Variants in GPSM3 observed in about 807,000 individuals in gnomAD.
GPSM3 encodes G protein signaling modulator 3, also known as G protein-signaling modulator 3.
In GPSM3, 16 loss-of-function variants were observed where a neutral mutation model predicts 20.4. That is an observed-to-expected ratio of 0.78 (90% CI 0.53 to 1.19). The LOEUF is 1.19. Ranked by LOEUF, GPSM3 falls within the 50% of genes most tolerant of loss-of-function variation. The pLI, the probability that GPSM3 is intolerant of heterozygous loss-of-function variation, is 0.00. For synonymous variants in GPSM3, 70 were observed against 79.6 expected (o/e 0.88, Z 0.64); for missense variants, 177 against 204.6 (o/e 0.86, Z 0.82).
At chr6:32,192,669 GC>G (rs1218379880), upstream of GPSM3, 9 of 479,996 alleles carry the variant, frequency 1.9e-5, no homozygotes, top group Non-Finnish European at 3.0e-5. This position sits in a 1 kb window ranked among gnomAD's most constrained non-coding sequence, Gnocchi z 5.1. Context: ...TTCCTGGTCA[GC>G]CCCCCCACGG....
upstream of GPSM3, chr6:32,192,774 A>C (rs771236355): frequency 1.3e-5 from 5 of 393,186 alleles, no homozygotes; most frequent in Non-Finnish European, 1.8e-5. This position sits in a 1 kb window ranked among gnomAD's most constrained non-coding sequence, Gnocchi z 5.1. Flanking sequence ...AGACTGGGAA[A>C]AACTCCTCCA....
At chr6:32,192,984 TC>T (rs145545963), upstream of GPSM3, 4,355 of 156,596 alleles carry the variant, frequency 0.028, 81 homozygotes, top group Admixed American at 0.039. The surrounding 1 kb of genome is among the most constrained non-coding windows in gnomAD (Gnocchi z 5.1). Flanking sequence ...GTCCCTTCCC[TC>T]CCTAAGATAG....
chr6:32,192,016 A>G lies in GPSM3; in HGVS notation c.146-108T>C, dbSNP rs1787558586. ...GATTAGGGACTTTGGATCAGAGGAG[A>G]GGGGGTGCAATGGGGAATCCCAAGG... On this transcript the variant is annotated intron_variant, in intron 2 of 3. Transcript: ENST00000375040. The surrounding 1 kb of genome is among the most constrained non-coding windows in gnomAD (Gnocchi z 5.1). The G allele has an allele frequency of 5.5e-6, 7 of 1,264,154 alleles. No individual in the cohort carries two copies. The South Asian group carries it at 7.8e-5, about 14-fold the overall frequency. The allele number at this position is 1,264,154 out of a possible 1,614,324, so 78.3% of individuals were successfully genotyped here.
upstream of GPSM3, chr6:32,195,125 T>C (rs1787768573): frequency 2.5e-6 from 1 of 405,876 alleles, no homozygotes; most frequent in Non-Finnish European, 4.4e-6. The surrounding 1 kb of genome is among the most constrained non-coding windows in gnomAD (Gnocchi z 5.4). Flanking sequence ...AAAGAACATC[T>C]TACATCCCAT....
In GPSM3 at chr6:32,191,070, A is replaced by T; in HGVS notation, c.*296T>A. ...ACAACTGGTGGTGTCCCCACAAGTT[A>T]GGGAAAAGACTCCCAGCCACTCCTT... On this transcript the variant is annotated 3_prime_UTR_variant, in exon 4 of 4. Coordinates refer to ENST00000375040, the MANE Select transcript of GPSM3 (RefSeq NM_001276501.2). The surrounding 1 kb of genome is among the most constrained non-coding windows in gnomAD (Gnocchi z 5.9). The T allele has an allele frequency of 2.8e-6, 1 of 362,360 alleles. No homozygotes were observed. The highest frequency in any genetic ancestry group is 5.8e-5 in the South Asian group (1 of 17,368). 22.4% of individuals were successfully genotyped at this position (362,360 alleles called of 1,614,324 possible). A position where few individuals can be genotyped will look rare whatever the true frequency, so the allele number is the denominator to read the frequency against.
Position 32,191,616 on chromosome 6 carries a change from G to A in GPSM3, c.345+93C>T. 1 of 1,471,304 alleles carries A rather than the reference G, an allele frequency of 6.8e-7. No homozygotes were observed. Among genetic ancestry groups the A allele is most frequent in the South Asian group, 1.3e-5 (1 of 75,352 alleles). 91.1% of individuals were successfully genotyped at this position (1,471,304 alleles called of 1,614,324 possible). A position where few individuals can be genotyped will look rare whatever the true frequency, so the allele number is the denominator to read the frequency against. ...ATATAGGAAACCTGTGAAGGCGATG[G>A]GGTGCCTAGGGAGAAACAGGAGTAG... On this transcript the variant is annotated intron_variant, in intron 3 of 3. Coordinates refer to ENST00000375040, the MANE Select transcript of GPSM3 (RefSeq NM_001276501.2). This position sits in a 1 kb window ranked among gnomAD's most constrained non-coding sequence, Gnocchi z 5.9.
At chr6:32,193,653 C>A (rs204990), upstream of GPSM3, among the ~76,000 whole-genome samples, 31,884 of 151,872 alleles carry the variant, frequency 0.21, 3,600 homozygotes, top group East Asian at 0.3. The surrounding 1 kb of genome is among the most constrained non-coding windows in gnomAD (Gnocchi z 4.7). Context: ...AGATATGGAA[C>A]AATGAGAGGC....
At position 32,192,310 on chromosome 6, in the gene GPSM3, C is replaced by T; in HGVS notation, c.43-60G>A. 7.1e-7 allele frequency: 1 copy of T among 1,416,946 alleles called. No homozygotes were observed. The highest frequency in any genetic ancestry group is 9.6e-7 in the Non-Finnish European group (1 of 1,036,524). The allele number at this position is 1,416,946 out of a possible 1,614,324, so 87.8% of individuals were successfully genotyped here. A position where few individuals can be genotyped will look rare whatever the true frequency, so the allele number is the denominator to read the frequency against. On this transcript the variant is annotated intron_variant, in intron 1 of 3. Coordinates refer to ENST00000375040, the MANE Select transcript of GPSM3 (RefSeq NM_001276501.2). This position sits in a 1 kb window ranked among gnomAD's most constrained non-coding sequence, Gnocchi z 5.1. ...TGGTGGTTGAAGCGGGAGGAGTGGA[C>T]AGGGGGCTAGGCCAGTGGCCCGTTT...
In GPSM3 at chr6:32,191,793, G is replaced by T. The variant is rs765799338; in HGVS notation, c.261C>A (p.Pro87=). ...CAGGGGCTAGGCTTGAGGGGTTTTG[G>T]GGGGTGTAGAAGGTGGCCCTCTGCT... The part of the protein sequence containing the change: ...LEEQRATFYT[P]QNPSSLAPAP... The change falls in exon 3 of 4, where the codon CCC becomes CCA. Residue 87 remains proline, a synonymous_variant. Transcript: ENST00000375040. The surrounding 1 kb of genome is among the most constrained non-coding windows in gnomAD (Gnocchi z 5.9). 1 of 1,612,516 alleles carries T rather than the reference G, an allele frequency of 6.2e-7. No homozygotes were observed. The highest frequency in any genetic ancestry group is 1.7e-5 in the Admixed American group (1 of 60,008).
chr6:32,192,259 A>G lies in GPSM3; in HGVS notation c.43-9T>C. The G allele has an allele frequency of 6.6e-7, 1 of 1,518,092 alleles. No individual in the cohort carries two copies. Among genetic ancestry groups the G allele is most frequent in the Non-Finnish European group, 8.8e-7 (1 of 1,130,304 alleles). The allele number at this position is 1,518,092 out of a possible 1,614,324, so 94.0% of individuals were successfully genotyped here. ...TCATCCTGAGGGGGGCCCTGATGCC[A>G]AAATATGTCCATTCTAGTCAAGCAG... On this transcript the variant is annotated splice_polypyrimidine_tract_variant and intron_variant, in intron 1 of 3. Coordinates refer to ENST00000375040, the MANE Select transcript of GPSM3 (RefSeq NM_001276501.2). The surrounding 1 kb of genome is among the most constrained non-coding windows in gnomAD (Gnocchi z 5.1).
chr6:32,194,743 C>T (rs971782685), upstream of GPSM3: 5 of 220,492 alleles, frequency 2.3e-5, no homozygotes, highest in African/African-American at 1.1e-4. This position sits in a 1 kb window ranked among gnomAD's most constrained non-coding sequence, Gnocchi z 4.5. Flanking sequence ...TTACATCCTC[C>T]ATCCAATCCA....
upstream of GPSM3, chr6:32,194,919 G>A (rs769639556): frequency 4.3e-5 from 10 of 234,482 alleles, no homozygotes; most frequent in Admixed American, 1.1e-4. This position sits in a 1 kb window ranked among gnomAD's most constrained non-coding sequence, Gnocchi z 4.5. Flanking sequence ...TAGAAGAAGC[G>A]CTTCATCCCC....
At position 32,191,889 on chromosome 6, in the gene GPSM3, G is replaced by A; in HGVS notation, c.165C>T (p.Ala55=). 6.2e-7 allele frequency: 1 copy of A among 1,611,318 alleles called. No individual in the cohort carries two copies. The highest frequency in any genetic ancestry group is 8.5e-7 in the Non-Finnish European group (1 of 1,179,682). ...GTTCAGTCTGCAGGGAGAGCAGGGA[G>A]GCCGAGCGGGGTCCCAGGGCTGGGG... ...TRHTALGPRS[A]SLLSLQTELL... is the part of the protein sequence containing the mutation. The change falls in exon 3 of 4, where the codon GCC becomes GCT. Residue 55 remains alanine, a synonymous_variant. Coordinates refer to ENST00000375040, the MANE Select transcript of GPSM3 (RefSeq NM_001276501.2). This position sits in a 1 kb window ranked among gnomAD's most constrained non-coding sequence, Gnocchi z 5.9.
upstream of GPSM3, chr6:32,194,934 T>A (rs1016171165): frequency 2.5e-5 from 6 of 235,406 alleles, no homozygotes; most frequent in Non-Finnish European, 4.2e-5. This position sits in a 1 kb window ranked among gnomAD's most constrained non-coding sequence, Gnocchi z 4.5. Flanking sequence ...ATCCCCACAG[T>A]GGAGTTCTTT....
chr6:32,192,372 C>A lies in GPSM3; in HGVS notation c.42+100G>T. The stretch of plus-strand genomic sequence containing the variant: ...GTCTCTGTTCCTGCCTCAGTTTGCC[C>A]AAGCCTTTCAAGGCCCCTGTGTCCC... On this transcript the variant is annotated intron_variant, in intron 1 of 3. Transcript: ENST00000375040. This position sits in a 1 kb window ranked among gnomAD's most constrained non-coding sequence, Gnocchi z 5.1. The A allele has an allele frequency of 7.0e-7, 1 of 1,423,876 alleles. No homozygotes were observed. The highest frequency in any genetic ancestry group is 9.6e-7 in the Non-Finnish European group (1 of 1,039,060). 88.2% of individuals were successfully genotyped at this position (1,423,876 alleles called of 1,614,324 possible).
In GPSM3 at chr6:32,191,184, C is replaced by G. The variant is rs373773951; in HGVS notation, c.*182G>C. On this transcript the variant is annotated 3_prime_UTR_variant, in exon 4 of 4. Coordinates refer to ENST00000375040, the MANE Select transcript of GPSM3 (RefSeq NM_001276501.2). The surrounding 1 kb of genome is among the most constrained non-coding windows in gnomAD (Gnocchi z 5.9). ...AAATCCCTGTTCCATCTCGCCTGTT[C>G]CCAGAGTTTGAGGACTTTCACCCTG... 7.1e-6 allele frequency: 5 copies of G among 703,474 alleles called. No homozygotes were observed. The East Asian group carries it at 1.2e-4, about 17-fold the overall frequency. The allele number at this position is 703,474 out of a possible 1,614,324, so 43.6% of individuals were successfully genotyped here.
chr6:32,193,677 T>C (rs1285195337), upstream of GPSM3, among the ~76,000 whole-genome samples: 2 of 151,706 alleles, frequency 1.3e-5, no homozygotes, highest in Non-Finnish European at 2.9e-5. The surrounding 1 kb of genome is among the most constrained non-coding windows in gnomAD (Gnocchi z 4.7). Context: ...GGTAGGAAGA[T>C]TGCTTGAGCC....
chr6:32,191,181 G>C lies in GPSM3; in HGVS notation c.*185C>G. 1.5e-6 allele frequency: 1 copy of C among 685,776 alleles called. No homozygotes were observed. Among genetic ancestry groups the C allele is most frequent in the Non-Finnish European group, 2.3e-6 (1 of 432,722 alleles). The allele number at this position is 685,776 out of a possible 1,614,324, so 42.5% of individuals were successfully genotyped here. A position where few individuals can be genotyped will look rare whatever the true frequency, so the allele number is the denominator to read the frequency against. On this transcript the variant is annotated 3_prime_UTR_variant, in exon 4 of 4. Coordinates refer to ENST00000375040, the MANE Select transcript of GPSM3 (RefSeq NM_001276501.2). The surrounding 1 kb of genome is among the most constrained non-coding windows in gnomAD (Gnocchi z 5.9). Reference sequence around the variant, plus strand: ...GTTAAATCCCTGTTCCATCTCGCCTGTTCCCAGAGTTTGAGGACTTTCACC... The same window carrying C: ...GTTAAATCCCTGTTCCATCTCGCCTCTTCCCAGAGTTTGAGGACTTTCACC...
chr6:32,192,251 C>G lies in GPSM3; in HGVS notation c.43-1G>C. 1 of 1,521,588 alleles carries G rather than the reference C, an allele frequency of 6.6e-7. No individual in the cohort carries two copies. Among genetic ancestry groups the G allele is most frequent in the Non-Finnish European group, 8.8e-7 (1 of 1,134,078 alleles). 94.3% of individuals were successfully genotyped at this position (1,521,588 alleles called of 1,614,324 possible). On this transcript the variant is annotated splice_acceptor_variant, in intron 1 of 3. Transcript: ENST00000375040. LOFTEE classifies it high-confidence loss of function. This position sits in a 1 kb window ranked among gnomAD's most constrained non-coding sequence, Gnocchi z 5.1. ...AGCCTTCCTCATCCTGAGGGGGGCC[C>G]TGATGCCAAAATATGTCCATTCTAG...
Sources: allele counts gnomAD v4.1 joint callset (sites outside exome capture counted in the v4.1 genomes callset), GRCh38; gene constraint gnomAD v4.1.1; non-coding constraint Gnocchi (gnomAD v3.1); transcripts MANE v1.5; gene names NCBI Gene and HGNC (gene_info 2026-07-23, HGNC 2026-07-21).